The following STXBP4 variants were observed in gnomAD, a reference collection of about 807,000 sequenced individuals.
STXBP4 encodes the protein syntaxin-binding protein 4.
A neutral mutation model predicts 76.1 loss-of-function variants in STXBP4; 55 were observed. That is an observed-to-expected ratio of 0.72 (90% CI 0.58 to 0.91). STXBP4 has a LOEUF of 0.91. STXBP4 is among the 40% of genes least tolerant of loss of function. STXBP4 has a pLI of 0.00. For missense variants in STXBP4, 618 were observed against 636.9 expected, an observed-to-expected ratio of 0.97 and a Z score of 0.32; for synonymous variants, 201 against 220.2, an observed-to-expected ratio of 0.91 and a Z score of 0.77.
chr17:55,030,921 G>A (rs771866447), intron 8 of STXBP4: 2 of 355,792 alleles, frequency 5.6e-6, no homozygotes, highest in Non-Finnish European at 1.0e-5. Flanking sequence ...TTTGGTTCTA[G>A]GACAATGTCA....
At chr17:55,057,249 A>G (rs2078936978) in intron 12 of STXBP4, among the ~76,000 whole-genome samples, 1 of 152,208 alleles carries the variant, frequency 6.6e-6, no homozygotes, top group Non-Finnish European at 1.5e-5. Flanking sequence ...AAAGTACAGA[A>G]AATCTTCGTA....
chr17:55,094,165 G>GAA (rs34886189), intron 16 of STXBP4, among the ~76,000 whole-genome samples: 1,862 of 108,198 alleles, frequency 0.017, 26 homozygotes, highest in Non-Finnish European at 0.024. Flanking sequence ...TGAGGGACAG[G>GAA]AAAAAAAAAA....
chr17:54,977,947 A>C (rs895348405), intron 1 of STXBP4, among the ~76,000 whole-genome samples: 1 of 152,190 alleles, frequency 6.6e-6, no homozygotes, highest in Admixed American at 6.5e-5. Context: ...AGCAGCCAAC[A>C]TCATTGTGCC....
At chr17:55,070,669 T>C (rs146204275) in intron 12 of STXBP4, among the ~76,000 whole-genome samples, 1 of 152,194 alleles carries the variant, frequency 6.6e-6, no homozygotes, top group African/African-American at 2.4e-5. Flanking sequence ...CTCCTTCCCC[T>C]TCATGCCTGC....
chr17:55,008,976 G>T (rs1232403369), intron 8 of STXBP4, among the ~76,000 whole-genome samples: 2 of 152,030 alleles, frequency 1.3e-5, no homozygotes, highest in African/African-American at 4.8e-5. Flanking sequence ...ATTATAGTTC[G>T]GACCAACATT....
chr17:55,036,272 C>G (rs1195272711), intron 10 of STXBP4, among the ~76,000 whole-genome samples: 2 of 151,798 alleles, frequency 1.3e-5, no homozygotes, highest in Admixed American at 1.3e-4. Context: ...TATAGATTAT[C>G]TTGGGAAGAA....
intron 12 of STXBP4, among the ~76,000 whole-genome samples, chr17:55,067,158 G>GT (rs1207289105): frequency 6.6e-6 from 1 of 152,066 alleles, no homozygotes; most frequent in Non-Finnish European, 1.5e-5. Context: ...ATTAGATAGG[G>GT]TTTTTACTCT....
At chr17:55,008,066 C>T (rs1349099894) in intron 8 of STXBP4, among the ~76,000 whole-genome samples, 1 of 151,826 alleles carries the variant, frequency 6.6e-6, no homozygotes, top group Non-Finnish European at 1.5e-5. Context: ...TACTAAAGCA[C>T]TGAAAAGTAG....
chr17:55,210,438 G>A, the STXBP4 span, among the ~76,000 whole-genome samples: 9 of 152,106 alleles, frequency 5.9e-5, no homozygotes, highest in African/African-American at 1.9e-4. Context: ...TCAGAAGGAG[G>A]GAATTCATTA....
the STXBP4 span, among the ~76,000 whole-genome samples, chr17:55,185,189 T>TTCTTCTTCTTCTTCTTC: frequency 6.8e-5 from 6 of 87,730 alleles, no homozygotes; most frequent in East Asian, 3.7e-4. Context: ...TCTTCTTCTT[T>TTCTTCTTCTTCTTCTTC]TTCTTCTTCT....
intron 16 of STXBP4, among the ~76,000 whole-genome samples, chr17:55,130,208 A>G (rs145892190): frequency 1.3e-5 from 2 of 152,338 alleles, no homozygotes; most frequent in Middle Eastern, 3.4e-3. Context: ...AACTTACCCC[A>G]GCTGACACCT....
chr17:55,183,395 G>A, the STXBP4 span, among the ~76,000 whole-genome samples: 10 of 152,076 alleles, frequency 6.6e-5, no homozygotes, highest in African/African-American at 1.2e-4. Flanking sequence ...AGACCAGCCC[G>A]GGCAAGACAG....
chr17:55,133,702 C>T (rs929651775), intron 16 of STXBP4, among the ~76,000 whole-genome samples: 3 of 151,986 alleles, frequency 2.0e-5, no homozygotes, highest in South Asian at 4.2e-4. Flanking sequence ...TCTTTGCAGT[C>T]GAATAAACTG....
intron 16 of STXBP4, 66 bp from the exon 17 acceptor site, chr17:55,141,244 G>C: frequency 7.6e-7 from 1 of 1,308,402 alleles, no homozygotes; most frequent in Non-Finnish European, 1.1e-6. Flanking sequence ...AGGGAGGTTT[G>C]TGTCCAGGAA....
At chr17:54,987,141 A>G (rs1567704408) in intron 3 of STXBP4, among the ~76,000 whole-genome samples, 1 of 152,212 alleles carries the variant, frequency 6.6e-6, no homozygotes, top group African/African-American at 2.4e-5. Context: ...TCACATTACC[A>G]AGATGCATGC....
intron 4 of STXBP4, among the ~76,000 whole-genome samples, chr17:54,992,065 T>C (rs2077726255): frequency 2.0e-5 from 3 of 152,104 alleles, no homozygotes; most frequent in Admixed American, 2.0e-4. Flanking sequence ...GTACTTTCAA[T>C]TGTTTTATGC....
the STXBP4 span, among the ~76,000 whole-genome samples, chr17:55,212,652 A>G: frequency 1.3e-5 from 2 of 152,222 alleles, no homozygotes; most frequent in Non-Finnish European, 2.9e-5. Context: ...ATATTTTATT[A>G]CATCTTCTCA....
At chr17:55,094,269 C>T (rs372731863) in intron 16 of STXBP4, among the ~76,000 whole-genome samples, 2 of 151,196 alleles carry the variant, frequency 1.3e-5, no homozygotes, top group African/African-American at 4.9e-5. Context: ...TAATACAAGG[C>T]TTTGAACACC....
chr17:55,023,933 A>AAG (rs1555569453), intron 8 of STXBP4, among the ~76,000 whole-genome samples: 2 of 150,718 alleles, frequency 1.3e-5, no homozygotes, highest in African/African-American at 4.9e-5. Flanking sequence ...AAAAAAAAAA[A>AAG]AAAAAAAGAA....
Sources: gnomAD v4.1 joint callset for allele counts (sites outside exome capture counted in the v4.1 genomes callset) on GRCh38, gnomAD v4.1.1 for gene constraint, MANE v1.5 for transcripts, NCBI Gene and HGNC (gene_info 2026-07-23, HGNC 2026-07-21) for gene names.